REDIC1: variants seen among roughly 807,000 people sequenced by gnomAD.
REDIC1 encodes the protein regulator of DNA class I crossover intermediates 1, also known as HEI10 Interacting Protein 1.
the REDIC1 span, among the ~76,000 whole-genome samples, chr12:39,752,170 G>A: frequency 1.3e-5 from 2 of 152,174 alleles, no homozygotes; most frequent in African/African-American, 2.4e-5. Context: ...AATCCTCAGT[G>A]CCCACGCCAT....
At chr12:39,775,075 A>G in the REDIC1 span, among the ~76,000 whole-genome samples, 4 of 152,222 alleles carry the variant, frequency 2.6e-5, no homozygotes, top group African/African-American at 9.6e-5. Context: ...AACCACTTAA[A>G]TGGGAAATTA....
chr12:39,668,358 T>C, the REDIC1 span, among the ~76,000 whole-genome samples: 1 of 152,232 alleles, frequency 6.6e-6, no homozygotes, highest in South Asian at 2.1e-4. Context: ...AATTCTGGGT[T>C]GAAAATTCTT....
At chr12:39,694,179 A>T in the REDIC1 span, among the ~76,000 whole-genome samples, 1 of 152,112 alleles carries the variant, frequency 6.6e-6, no homozygotes, top group African/African-American at 2.4e-5. Flanking sequence ...TATTAGAAAG[A>T]TGTAGATGAG....
the REDIC1 span, among the ~76,000 whole-genome samples, chr12:39,649,521 C>T: frequency 2.7e-5 from 4 of 149,018 alleles, no homozygotes; most frequent in East Asian, 6.0e-4. Context: ...TATAAGCTCT[C>T]TCTGACTTTA....
At chr12:39,734,147 C>T in the REDIC1 span, among the ~76,000 whole-genome samples, 1 of 152,158 alleles carries the variant, frequency 6.6e-6, no homozygotes, top group Non-Finnish European at 1.5e-5. Flanking sequence ...CACAGCTTCC[C>T]TTGACTAGGG....
chr12:39,845,375 C>G, the REDIC1 span, among the ~76,000 whole-genome samples: 1 of 152,062 alleles, frequency 6.6e-6, no homozygotes. Flanking sequence ...ATCTGTTTTA[C>G]ATTTTTTGTC....
At chr12:39,893,250 T>G in the REDIC1 span, among the ~76,000 whole-genome samples, 1 of 152,222 alleles carries the variant, frequency 6.6e-6, no homozygotes, top group Admixed American at 6.5e-5. Flanking sequence ...TTCAATAATT[T>G]TATCTATGTC....
At chr12:39,753,213 G>A in the REDIC1 span, among the ~76,000 whole-genome samples, 5 of 152,146 alleles carry the variant, frequency 3.3e-5, no homozygotes, top group Non-Finnish European at 7.3e-5. Flanking sequence ...AAACATTAAA[G>A]GTTAAAAGAA....
chr12:39,737,633 A>C, the REDIC1 span, among the ~76,000 whole-genome samples: 1 of 152,220 alleles, frequency 6.6e-6, no homozygotes, highest in East Asian at 1.9e-4. Flanking sequence ...AAGTTGAATA[A>C]ATTAATAAAG....
chr12:39,762,415 A>G, the REDIC1 span, among the ~76,000 whole-genome samples: 1 of 121,816 alleles, frequency 8.2e-6, no homozygotes, highest in Non-Finnish European at 1.8e-5. Flanking sequence ...ACACAAATTG[A>G]CTACCTCAAG....
chr12:39,730,719 TCTC>T, the REDIC1 span, among the ~76,000 whole-genome samples: 8 of 152,310 alleles, frequency 5.3e-5, no homozygotes, highest in African/African-American at 1.9e-4. Context: ...TTGGGGGAGT[TCTC>T]CTGGATAATA....
the REDIC1 span, among the ~76,000 whole-genome samples, chr12:39,786,114 G>A: frequency 6.6e-6 from 1 of 151,948 alleles, no homozygotes; most frequent in Admixed American, 6.6e-5. Flanking sequence ...GAGATTTGGA[G>A]GGGCCAGGGG....
the REDIC1 span, among the ~76,000 whole-genome samples, chr12:39,663,885 T>A: frequency 1.7e-4 from 26 of 152,066 alleles, 1 homozygote. Context: ...TCTTTTCTTT[T>A]TTGGCTTGGA....
chr12:39,668,256 G>T, the REDIC1 span, among the ~76,000 whole-genome samples: 3 of 152,034 alleles, frequency 2.0e-5, no homozygotes, highest in East Asian at 3.9e-4. Context: ...TTTTAGGGCA[G>T]GCCTGGTGGT....
the REDIC1 span, among the ~76,000 whole-genome samples, chr12:39,679,841 ACTT>A: frequency 6.6e-6 from 1 of 152,180 alleles, no homozygotes; most frequent in Non-Finnish European, 1.5e-5. Flanking sequence ...AAAGCCAAAT[ACTT>A]AAAGTCAACT....
chr12:39,841,435 C>T, the REDIC1 span, among the ~76,000 whole-genome samples: 1 of 152,058 alleles, frequency 6.6e-6, no homozygotes, highest in Non-Finnish European at 1.5e-5. Flanking sequence ...TTTGCCAAAT[C>T]TGTCAACTCC....
the REDIC1 span, among the ~76,000 whole-genome samples, chr12:39,732,395 T>C: frequency 6.6e-6 from 1 of 152,176 alleles, no homozygotes; most frequent in Non-Finnish European, 1.5e-5. Flanking sequence ...GGATTGTTAG[T>C]GGTGTGTGTT....
chr12:39,905,079 A>AG, the REDIC1 span, among the ~76,000 whole-genome samples: 1 of 152,296 alleles, frequency 6.6e-6, no homozygotes, highest in East Asian at 1.9e-4. Flanking sequence ...AAATATGCCC[A>AG]CAGAATGAGA....
the REDIC1 span, among the ~76,000 whole-genome samples, chr12:39,686,681 T>G: frequency 6.6e-6 from 1 of 152,264 alleles, no homozygotes; most frequent in South Asian, 2.1e-4. Flanking sequence ...TGCAAATTTC[T>G]GCAGCCTGCT....
Sources: gnomAD v4.1 joint callset for allele counts (sites outside exome capture counted in the v4.1 genomes callset) on GRCh38, gnomAD v4.1.1 for gene constraint, MANE v1.5 for transcripts, NCBI Gene and HGNC (gene_info 2026-07-23, HGNC 2026-07-21) for gene names.